The following LRMDA variants were observed in gnomAD, a reference collection of about 807,000 sequenced individuals.
The protein encoded by LRMDA is leucine-rich melanocyte differentiation-associated protein.
A neutral mutation model predicts 29.8 loss-of-function variants in LRMDA; 18 were observed. The ratio of observed to expected loss-of-function variants is 0.60; its 90% CI spans 0.42 to 0.90. The LOEUF (loss-of-function observed/expected upper bound fraction) is 0.90, where lower values mean the gene tolerates loss of function less well. LRMDA is among the 40% of genes least tolerant of loss of function. The pLI, the probability that LRMDA is intolerant of heterozygous loss-of-function variation, is 0.00. For synonymous variants in LRMDA, 125 were observed against 109.4 expected, an observed-to-expected ratio of 1.14 and a Z score of -0.89; for missense variants, 273 against 273.9, an observed-to-expected ratio of 1.00 and a Z score of 0.02.
chr10:75,736,872 C>T (rs1290304937), intron 2 of LRMDA, among the ~76,000 whole-genome samples: 1 of 152,132 alleles, frequency 6.6e-6, no homozygotes, highest in African/African-American at 2.4e-5. Context: ...ACCAAATGCA[C>T]CTTTGTTGCC....
intron 6 of LRMDA, among the ~76,000 whole-genome samples, chr10:76,494,829 C>G (rs543907216): frequency 6.6e-6 from 1 of 151,854 alleles, no homozygotes; most frequent in Non-Finnish European, 1.5e-5. Flanking sequence ...AAAATATTCT[C>G]TAAGTATTTT....
intron 2 of LRMDA, among the ~76,000 whole-genome samples, chr10:75,764,079 G>A (rs536231942): frequency 3.3e-5 from 5 of 152,186 alleles, no homozygotes; most frequent in African/African-American, 1.2e-4. Flanking sequence ...GGTGGGGCTG[G>A]TAGAAAAGCC....
intron 2 of LRMDA, among the ~76,000 whole-genome samples, chr10:75,739,376 C>T (rs574585222): frequency 6.6e-6 from 1 of 152,310 alleles, no homozygotes; most frequent in South Asian, 2.1e-4. Context: ...TAATTAAAAA[C>T]TTAAATTACT....
chr10:76,309,322 T>A (rs1186019615), intron 5 of LRMDA, among the ~76,000 whole-genome samples: 1 of 152,048 alleles, frequency 6.6e-6, no homozygotes, highest in Non-Finnish European at 1.5e-5. Context: ...GTCCAGTGGG[T>A]CAGAGCTTCC....
chr10:75,943,673 A>G (rs1846431433), intron 2 of LRMDA, among the ~76,000 whole-genome samples: 1 of 152,196 alleles, frequency 6.6e-6, no homozygotes, highest in South Asian at 2.1e-4. Flanking sequence ...CAAACAGTTC[A>G]TTTTTGGATG....
chr10:76,249,311 C>T (rs1022778370), intron 5 of LRMDA, among the ~76,000 whole-genome samples: 6 of 152,270 alleles, frequency 3.9e-5, no homozygotes, highest in South Asian at 2.1e-4. Context: ...TCATAAAATA[C>T]CCTAGAAAAG....
chr10:75,575,619 A>G (rs1840493717), intron 2 of LRMDA, among the ~76,000 whole-genome samples: 1 of 152,202 alleles, frequency 6.6e-6, no homozygotes, highest in South Asian at 2.1e-4. Context: ...TGTAGCTCCC[A>G]GCGAGATTGA....
intron 6 of LRMDA, among the ~76,000 whole-genome samples, chr10:76,389,125 A>G (rs1452805609): frequency 6.6e-6 from 1 of 152,176 alleles, no homozygotes; most frequent in Non-Finnish European, 1.5e-5. Context: ...AAGGACTAAT[A>G]AAATGGACAG....
chr10:76,327,215 C>A (rs1353900609), intron 6 of LRMDA, among the ~76,000 whole-genome samples: 7 of 151,930 alleles, frequency 4.6e-5, no homozygotes, highest in African/African-American at 1.7e-4. Context: ...CCTCAGCCTC[C>A]TGAGTAGCTG....
intron 2 of LRMDA, among the ~76,000 whole-genome samples, chr10:75,899,301 T>G (rs1218042026): frequency 6.6e-6 from 1 of 152,224 alleles, no homozygotes; most frequent in East Asian, 1.9e-4. Flanking sequence ...GATGCTAGAA[T>G]AAGTCTAGCC....
Position 76,557,916 on chromosome 10 carries a change from C to T in LRMDA, c.*628C>T, listed in dbSNP as rs1843578278. The stretch of plus-strand genomic sequence containing the variant: ...CAGTTTTTCGGAGAACAAGGTATAA[C>T]TTCCCAGCCAGGTCATACATTTATG... On this transcript the variant is annotated 3_prime_UTR_variant, in exon 7 of 7. Coordinates refer to ENST00000611255, the MANE Select transcript of LRMDA (RefSeq NM_001305581.2). The T allele has an allele frequency of 6.6e-6, 1 of 152,272 alleles. No homozygotes were observed. Among genetic ancestry groups the T allele is most frequent in the African/African-American group, 2.4e-5 (1 of 41,450 alleles). The allele number at this position is 152,272 out of a possible 1,614,324, so 9.4% of individuals were successfully genotyped here.
At chr10:75,794,779 A>T (rs944894973) in intron 2 of LRMDA, among the ~76,000 whole-genome samples, 37 of 152,326 alleles carry the variant, frequency 2.4e-4, no homozygotes, top group Non-Finnish European at 5.0e-4. Context: ...CATTTAAAAA[A>T]TTGATTTCTG....
chr10:75,800,981 T>C (rs1317513363), intron 2 of LRMDA, among the ~76,000 whole-genome samples: 3 of 152,218 alleles, frequency 2.0e-5, no homozygotes, highest in African/African-American at 7.2e-5. Context: ...CAATTGATCT[T>C]AGTGTAAATT....
At chr10:75,864,224 A>G (rs1250235250) in intron 2 of LRMDA, among the ~76,000 whole-genome samples, 2 of 152,206 alleles carry the variant, frequency 1.3e-5, no homozygotes, top group Admixed American at 6.5e-5. Flanking sequence ...AATGTTAGGG[A>G]ACTTCTAATA....
intron 2 of LRMDA, among the ~76,000 whole-genome samples, chr10:75,831,326 C>T (rs1396686334): frequency 6.6e-6 from 1 of 152,138 alleles, no homozygotes; most frequent in African/African-American, 2.4e-5. Context: ...GGATTACAAG[C>T]GTGAGCCACC....
intron 2 of LRMDA, among the ~76,000 whole-genome samples, chr10:75,550,720 T>A (rs1378815312): frequency 6.6e-6 from 1 of 152,102 alleles, no homozygotes; most frequent in African/African-American, 2.4e-5. Flanking sequence ...ATGTGTCTTA[T>A]ATGTTCTCTA....
intron 5 of LRMDA, among the ~76,000 whole-genome samples, chr10:76,252,310 G>A (rs1408614672): frequency 1.3e-5 from 2 of 152,158 alleles, no homozygotes; most frequent in African/African-American, 4.8e-5. Flanking sequence ...AAAAAGGATT[G>A]CAGATAATAA....
intron 2 of LRMDA, among the ~76,000 whole-genome samples, chr10:75,611,027 G>A (rs1448302151): frequency 1.3e-5 from 2 of 152,194 alleles, no homozygotes; most frequent in Non-Finnish European, 2.9e-5. Context: ...GGTTTGGGGT[G>A]GTATGAGGTT....
At chr10:76,343,860 TG>T (rs1166735003) in intron 6 of LRMDA, among the ~76,000 whole-genome samples, 2 of 148,528 alleles carry the variant, frequency 1.3e-5, no homozygotes, top group East Asian at 4.0e-4. Flanking sequence ...CTCTGTTGCC[TG>T]GGCTGGAGTG....
Sources: gnomAD v4.1 joint callset for allele counts (sites outside exome capture counted in the v4.1 genomes callset) on GRCh38, gnomAD v4.1.1 for gene constraint, MANE v1.5 for transcripts, NCBI Gene and HGNC (gene_info 2026-07-23, HGNC 2026-07-21) for gene names.